Variants in CDC42BPB observed in about 807,000 individuals in gnomAD.
The protein encoded by CDC42BPB is CDC42 binding protein kinase beta.
CDC42BPB carries 37 observed loss-of-function variants against 214.9 expected under a neutral mutation model. The ratio of observed to expected loss-of-function variants is 0.17; its 90% confidence interval spans 0.13 to 0.23. CDC42BPB has a LOEUF of 0.23. Among genes scored for constraint, CDC42BPB ranks in the 10% least tolerant of loss-of-function variants. The pLI is 1.00. For missense variants in CDC42BPB, 1,694 were observed against 2,227.0 expected (o/e 0.76, Z 4.82); for synonymous variants, 931 against 884.0 (o/e 1.05, Z -0.94).
At chr14:103,002,410 C>T (rs1895029761) in intron 4 of CDC42BPB, among the ~76,000 whole-genome samples, 1 of 152,216 alleles carries the variant, frequency 6.6e-6, no homozygotes, top group Middle Eastern at 3.2e-3. Context: ...TAGAATAAAC[C>T]TGGCAACACC....
At chr14:102,937,156 T>C (rs1425611235) in intron 36 of CDC42BPB, 1 of 152,292 alleles carries the variant, frequency 6.6e-6, no homozygotes, top group Non-Finnish European at 1.5e-5. Flanking sequence ...GTCCTCTGTA[T>C]AATGTGACAG....
intron 16 of CDC42BPB, 137 bp downstream of exon 16, chr14:102,968,116 C>T: frequency 3.1e-6 from 2 of 639,354 alleles, no homozygotes; most frequent in South Asian, 2.1e-5. Flanking sequence ...ACCAAACTTC[C>T]AAGACTCAAG....
intron 16 of CDC42BPB, 156 bp from the exon 17 acceptor site, chr14:102,967,326 G>GT: frequency 1.0e-6 from 1 of 985,306 alleles, no homozygotes; most frequent in Non-Finnish European, 1.2e-6. Context: ...TTTTTTCACT[G>GT]TATCTAGCTT....
intron 30 of CDC42BPB, among the ~76,000 whole-genome samples, chr14:102,942,141 G>A (rs1891920384): frequency 6.6e-6 from 1 of 152,244 alleles, no homozygotes; most frequent in African/African-American, 2.4e-5. Context: ...GGGTGTTGGG[G>A]GGTAAGAGTC....
intron 3 of CDC42BPB, among the ~76,000 whole-genome samples, chr14:103,006,910 A>G (rs1217899115): frequency 6.6e-6 from 1 of 152,224 alleles, no homozygotes. Flanking sequence ...CAAACACCTG[A>G]TACCTCTCTA....
chr14:103,038,273 G>A (rs1887783139), intron 1 of CDC42BPB, among the ~76,000 whole-genome samples: 1 of 150,562 alleles, frequency 6.6e-6, no homozygotes, highest in Non-Finnish European at 1.5e-5. Context: ...AGGAGGCGGA[G>A]CTTGCAGTGA....
Position 102,970,261 on chromosome 14 carries a change from G to A in CDC42BPB, c.1885C>T (p.Leu629=), listed in dbSNP as rs1452881127. The change falls in exon 14 of 37, where the codon CTG becomes TTG. Residue 629 remains leucine, a splice_region_variant and synonymous_variant. Transcript: ENST00000361246. ...MRRAEKLRKE[L]EAQLDDAVAE... ...ACAGCATCATCAAGCTGAGCTTCCA[G>A]CTACAAAAGGAAGATCCAGTTTCTA... 6.2e-7 allele frequency: 1 copy of A among 1,610,274 alleles called. No individual in the cohort carries two copies. Among genetic ancestry groups the A allele is most frequent in the East Asian group, 2.2e-5 (1 of 44,858 alleles).
intron 5 of CDC42BPB, 74 bp downstream of exon 5, chr14:102,999,491 G>A (rs1894884085): frequency 6.6e-7 from 1 of 1,505,428 alleles, no homozygotes; most frequent in South Asian, 1.2e-5. Flanking sequence ...GGGACGGCCT[G>A]GACTTGGGAG....
intron 8 of CDC42BPB, among the ~76,000 whole-genome samples, chr14:102,979,460 C>G (rs1231076313): frequency 1.3e-5 from 2 of 152,150 alleles, no homozygotes; most frequent in Non-Finnish European, 1.5e-5. Context: ...GATCCGCCCA[C>G]CTCAGCCTCC....
At position 103,008,561 on chromosome 14, in the gene CDC42BPB, G is replaced by A. The variant is rs1885975719; in HGVS notation, c.268-6C>T. ...TTCATTTTGACAACAGCAACCTGCA[G>A]TGCAAATGTGAGTTGAACAAAGATG... On this transcript the variant is annotated splice_region_variant and splice_polypyrimidine_tract_variant and intron_variant, in intron 2 of 36. Coordinates refer to ENST00000361246, the MANE Select transcript of CDC42BPB (RefSeq NM_006035.4). The A allele has an allele frequency of 1.2e-6, 2 of 1,603,044 alleles. No individual in the cohort carries two copies. The highest frequency in any genetic ancestry group is 1.7e-6 in the Non-Finnish European group (2 of 1,169,834).
In CDC42BPB at chr14:102,949,885, A is replaced by AC; in HGVS notation, c.3328dup (p.Val1110GlyfsTer14). The AC allele has an allele frequency of 6.2e-7, 1 of 1,613,190 alleles. No homozygotes were observed. The highest frequency in any genetic ancestry group is 8.5e-7 in the Non-Finnish European group (1 of 1,179,956). ...ATATGCGCGCTGCCATCCCTTCTTC[A>AC]CCCCCGTGGGCTTTGGGACCTATGA... On this transcript the variant is annotated frameshift_variant, in exon 26 of 37. Transcript: ENST00000361246. LOFTEE classifies it high-confidence loss of function.
chr14:103,000,860 G>A (rs753060365), intron 4 of CDC42BPB, among the ~76,000 whole-genome samples: 2 of 152,138 alleles, frequency 1.3e-5, no homozygotes, highest in Non-Finnish European at 2.9e-5. Flanking sequence ...GACACGGGAG[G>A]CTTGGGGATG....
chr14:103,045,323 C>A (rs544036966), intron 1 of CDC42BPB, among the ~76,000 whole-genome samples: 1 of 152,236 alleles, frequency 6.6e-6, no homozygotes, highest in South Asian at 2.1e-4. Context: ...TTCCTACATA[C>A]CAAAAGCTCT....
At chr14:103,047,929 C>T (rs1888386970) in intron 1 of CDC42BPB, among the ~76,000 whole-genome samples, 3 of 137,958 alleles carry the variant, frequency 2.2e-5, no homozygotes, top group Admixed American at 2.1e-4. Context: ...TTCAGACAGA[C>T]CTGGTTCAAA....
At position 102,963,140 on chromosome 14, in the gene CDC42BPB, G is replaced by A. The variant is rs1019751469; in HGVS notation, c.2742C>T (p.Ser914=). The change falls in exon 20 of 37, where the codon TCC becomes TCT. Residue 914 remains serine (S), a synonymous_variant. Coordinates refer to ENST00000361246, the MANE Select transcript of CDC42BPB (RefSeq NM_006035.4). ...CTAATAATTCTCTGTTTTTGGCTTC[G>A]GAATCCTTTAGTTTGCTAAAATAAA... ...NLTLESKLKD[S]EAKNRELLEE... 10 of 1,595,934 alleles carry A rather than the reference G, an allele frequency of 6.3e-6. No individual in the cohort carries two copies. The South Asian group carries it at 7.9e-5, about 13-fold the overall frequency.
chr14:103,003,149 T>A (rs35038732), intron 4 of CDC42BPB, among the ~76,000 whole-genome samples: 4 of 152,156 alleles, frequency 2.6e-5, no homozygotes, highest in Non-Finnish European at 2.9e-5. Context: ...CCATTGGGAA[T>A]GAGTTGGGCT....
chr14:102,988,967 C>T (rs1410429944), intron 5 of CDC42BPB, among the ~76,000 whole-genome samples: 2 of 149,228 alleles, frequency 1.3e-5, no homozygotes, highest in African/African-American at 4.9e-5. Context: ...GTTTAAAAAT[C>T]TGTGTGGCAA....
chr14:103,031,125 T>G (rs1293430974), intron 1 of CDC42BPB, among the ~76,000 whole-genome samples: 1 of 151,930 alleles, frequency 6.6e-6, no homozygotes, highest in Non-Finnish European at 1.5e-5. Flanking sequence ...TTTTCAGTAT[T>G]ATAAAAACGC....
chr14:102,961,438 G>A (rs936352008), intron 20 of CDC42BPB, among the ~76,000 whole-genome samples: 22 of 151,268 alleles, frequency 1.5e-4, no homozygotes, highest in Admixed American at 2.0e-4. Flanking sequence ...AGGTTCAAGC[G>A]ATTCTCCTGC....
Sources: gnomAD v4.1 joint callset for allele counts (sites outside exome capture counted in the v4.1 genomes callset) on GRCh38, gnomAD v4.1.1 for gene constraint, MANE v1.5 for transcripts, NCBI Gene and HGNC (gene_info 2026-07-23, HGNC 2026-07-21) for gene names.